The following GPC5 variants were observed in gnomAD, a reference collection of about 807,000 sequenced individuals.
GPC5 encodes glypican 5.
GPC5 carries 47 observed loss-of-function variants against 53.9 expected under a neutral mutation model. That is an observed-to-expected ratio of 0.87 (90% CI 0.69 to 1.11). The LOEUF (loss-of-function observed/expected upper bound fraction) is 1.11, where lower values mean the gene tolerates loss of function less well. Among genes scored for constraint, GPC5 ranks in the 50% most tolerant of loss-of-function variants. GPC5 has a pLI of 0.00. For missense variants in GPC5, 748 were observed against 713.1 expected, an observed-to-expected ratio of 1.05 and a Z score of -0.56; for synonymous variants, 286 against 263.3, an observed-to-expected ratio of 1.09 and a Z score of -0.84.
intron 5 of GPC5, among the ~76,000 whole-genome samples, chr13:91,833,535 A>T (rs537279667): frequency 1.2e-4 from 19 of 152,334 alleles, no homozygotes; most frequent in African/African-American, 4.6e-4. Flanking sequence ...GCAGCACATC[A>T]AAAAGCTCAT....
chr13:91,893,897 T>G (rs1317767504), intron 5 of GPC5, among the ~76,000 whole-genome samples: 1 of 151,892 alleles, frequency 6.6e-6, no homozygotes, highest in Non-Finnish European at 1.5e-5. Flanking sequence ...TCTTTGCTGG[T>G]CTATTTTACT....
At chr13:92,028,402 T>G (rs2040816566) in intron 6 of GPC5, among the ~76,000 whole-genome samples, 2 of 152,210 alleles carry the variant, frequency 1.3e-5, no homozygotes, top group African/African-American at 4.8e-5. Flanking sequence ...GTTAGAGTGT[T>G]GTGCTTCTAT....
intron 6 of GPC5, among the ~76,000 whole-genome samples, chr13:92,058,414 C>T (rs935603132): frequency 1.3e-5 from 2 of 152,148 alleles, no homozygotes; most frequent in African/African-American, 4.8e-5. Context: ...AGTTTCCATA[C>T]AGCCCATCCC....
chr13:92,698,456 G>T (rs561729777), intron 7 of GPC5, among the ~76,000 whole-genome samples: 1,967 of 152,126 alleles, frequency 0.013, 16 homozygotes, highest in Non-Finnish European at 0.019. Context: ...TGAGAATGAT[G>T]GTTTCCAGCT....
intron 7 of GPC5, among the ~76,000 whole-genome samples, chr13:92,169,998 A>C (rs1226749380): frequency 1.9e-4 from 29 of 152,028 alleles, no homozygotes; most frequent in Non-Finnish European, 1.5e-5. Flanking sequence ...CAATAGCATA[A>C]AATATTACAA....
chr13:91,898,750 AT>A (rs1390280021), intron 5 of GPC5, among the ~76,000 whole-genome samples: 2 of 152,114 alleles, frequency 1.3e-5, no homozygotes, highest in South Asian at 2.1e-4. Flanking sequence ...CTCTAGGTGT[AT>A]TTCTTGTTGA....
chr13:92,376,872 C>T (rs960624740), intron 7 of GPC5, among the ~76,000 whole-genome samples: 2 of 151,966 alleles, frequency 1.3e-5, no homozygotes, highest in African/African-American at 4.8e-5. Flanking sequence ...AAAAATTAGC[C>T]AGGCATGGTG....
chr13:92,400,312 A>T (rs538666413), intron 7 of GPC5, among the ~76,000 whole-genome samples: 3 of 152,326 alleles, frequency 2.0e-5, no homozygotes, highest in Admixed American at 6.5e-5. Flanking sequence ...TTTTGTTAGA[A>T]TAACGTAAAA....
chr13:91,670,854 A>G (rs2035228585), intron 2 of GPC5, among the ~76,000 whole-genome samples: 1 of 152,210 alleles, frequency 6.6e-6, no homozygotes, highest in South Asian at 2.1e-4. Flanking sequence ...GAAATTGCCA[A>G]AATATTGCCT....
chr13:91,837,533 A>G (rs1054102754), intron 5 of GPC5, among the ~76,000 whole-genome samples: 15 of 152,126 alleles, frequency 9.9e-5, no homozygotes, highest in Non-Finnish European at 1.9e-4. Flanking sequence ...AGGAAGGAAA[A>G]AACCAAAATA....
chr13:92,338,394 C>G (rs778507937), intron 7 of GPC5, among the ~76,000 whole-genome samples: 2 of 152,038 alleles, frequency 1.3e-5, no homozygotes, highest in Non-Finnish European at 2.9e-5. Flanking sequence ...GTTAAATATA[C>G]TCTTATATGT....
At chr13:92,406,942 A>G (rs571487785) in intron 7 of GPC5, among the ~76,000 whole-genome samples, 16 of 152,158 alleles carry the variant, frequency 1.1e-4, no homozygotes, top group Non-Finnish European at 1.9e-4. Flanking sequence ...CTCTTTGCAG[A>G]TTTTTTTAAA....
At chr13:92,701,337 T>A (rs1252062678) in intron 7 of GPC5, 2 of 152,160 alleles carry the variant, frequency 1.3e-5, no homozygotes, top group Non-Finnish European at 2.9e-5. Flanking sequence ...ACATTAAAAT[T>A]TGATGTTTTG....
At chr13:92,454,053 C>T (rs1335709079) in intron 7 of GPC5, among the ~76,000 whole-genome samples, 1 of 152,154 alleles carries the variant, frequency 6.6e-6, no homozygotes, top group Admixed American at 6.5e-5. Flanking sequence ...TGATACAAAG[C>T]TCAAACCTAA....
At chr13:91,817,991 G>A (rs2038426517) in intron 5 of GPC5, among the ~76,000 whole-genome samples, 1 of 151,882 alleles carries the variant, frequency 6.6e-6, no homozygotes, top group South Asian at 2.1e-4. Flanking sequence ...TGTCGTATAT[G>A]TTTTTGTAGT....
intron 6 of GPC5, among the ~76,000 whole-genome samples, chr13:92,094,795 AT>A (rs1193577504): frequency 6.6e-6 from 1 of 151,406 alleles, no homozygotes; most frequent in African/African-American, 2.4e-5. Flanking sequence ...TTTTATTCCA[AT>A]TCTTTTGTTC....
intron 2 of GPC5, among the ~76,000 whole-genome samples, chr13:91,494,373 A>T (rs1884130944): frequency 6.7e-6 from 1 of 150,154 alleles, no homozygotes; most frequent in Admixed American, 6.6e-5. Flanking sequence ...TTATTATTTT[A>T]CTTCTTCCTA....
intron 2 of GPC5, among the ~76,000 whole-genome samples, chr13:91,499,387 A>C (rs756261556): frequency 4.6e-5 from 7 of 152,168 alleles, no homozygotes; most frequent in Non-Finnish European, 7.4e-5. Context: ...AAAGTGAGAG[A>C]TGGAGAAAGT....
At chr13:92,518,084 A>G (rs1029646368) in intron 7 of GPC5, among the ~76,000 whole-genome samples, 1 of 152,232 alleles carries the variant, frequency 6.6e-6, no homozygotes, top group African/African-American at 2.4e-5. Context: ...TCAGTGAAAG[A>G]GTAAAAAGAA....
Sources: gnomAD v4.1 joint callset for allele counts (sites outside exome capture counted in the v4.1 genomes callset) on GRCh38, gnomAD v4.1.1 for gene constraint, MANE v1.5 for transcripts, NCBI Gene and HGNC (gene_info 2026-07-23, HGNC 2026-07-21) for gene names.